Variants in FAM83B observed in about 807,000 individuals in gnomAD.
FAM83B encodes scaffolding CK1 anchoring protein B.
In FAM83B, 26 loss-of-function variants were observed where a neutral mutation model predicts 38.8. The ratio of observed to expected loss-of-function variants is 0.67; its 90% CI spans 0.49 to 0.93. FAM83B has a LOEUF of 0.93. Ranked by LOEUF, FAM83B falls within the 40% of genes least tolerant of loss-of-function variation. The probability of loss-of-function intolerance (pLI) is 0.00; values close to 1 mark genes in which losing one functional copy is unlikely to be tolerated. For missense variants in FAM83B, 1,237 were observed against 1,197.3 expected (o/e 1.03, Z -0.49); for synonymous variants, 419 against 423.1 (o/e 0.99, Z 0.12).
At chr6:54,883,024 A>G (rs1302765561) in intron 2 of FAM83B, among the ~76,000 whole-genome samples, 1 of 152,008 alleles carries the variant, frequency 6.6e-6, no homozygotes, top group Non-Finnish European at 1.5e-5. Context: ...GCTCACTGCA[A>G]GCTCCGCCTC....
At chr6:54,879,145 G>GGA (rs1772065877) in intron 2 of FAM83B, among the ~76,000 whole-genome samples, 1 of 152,134 alleles carries the variant, frequency 6.6e-6, no homozygotes, top group Admixed American at 6.5e-5. Flanking sequence ...TGGTTGATCC[G>GGA]TAACCCCAGT....
At chr6:54,916,503 C>A (rs190598040) in intron 2 of FAM83B, among the ~76,000 whole-genome samples, 1 of 152,238 alleles carries the variant, frequency 6.6e-6, no homozygotes, top group Non-Finnish European at 1.5e-5. Flanking sequence ...AAAATAATTT[C>A]ATTTTATAGT....
At chr6:54,893,484 G>A (rs1394058907) in intron 2 of FAM83B, among the ~76,000 whole-genome samples, 4 of 151,968 alleles carry the variant, frequency 2.6e-5, no homozygotes, top group Non-Finnish European at 5.9e-5. Flanking sequence ...TATCTGTTTA[G>A]TATCTTAATA....
intron 2 of FAM83B, among the ~76,000 whole-genome samples, chr6:54,912,113 T>A (rs1772924394): frequency 6.6e-6 from 1 of 151,994 alleles, no homozygotes; most frequent in Non-Finnish European, 1.5e-5. Context: ...GAGGATATAT[T>A]TATATGAAGC....
intron 2 of FAM83B, among the ~76,000 whole-genome samples, chr6:54,876,730 T>C (rs953168533): frequency 1.3e-5 from 2 of 152,074 alleles, no homozygotes; most frequent in East Asian, 1.9e-4. Context: ...TAAATATATA[T>C]ATATAAAATA....
chr6:54,939,722 G>T lies in FAM83B; in HGVS notation c.751G>T (p.Glu251Ter). 1 of 1,587,416 alleles carries T rather than the reference G, an allele frequency of 6.3e-7. No homozygotes were observed. The highest frequency in any genetic ancestry group is 8.6e-7 in the Non-Finnish European group (1 of 1,169,112). The stretch of plus-strand genomic sequence containing the variant: ...TTTCCCCAGTTATATGTGGTCATTT[G>T]AGAAAGCTCACCTCAGCATGGTTCA... ...YGSYSYMWSF[E>*]KAHLSMVQII... The change falls in exon 5 of 5, where the codon GAG becomes TAG. Residue 251 changes from glutamate (E) to a stop codon, truncating the protein, a stop_gained. Coordinates refer to ENST00000306858, the MANE Select transcript of FAM83B (RefSeq NM_001010872.3). LOFTEE classifies it low-confidence loss of function (END_TRUNC).
chr6:54,911,113 A>G (rs1581916925), intron 2 of FAM83B, among the ~76,000 whole-genome samples: 1 of 149,260 alleles, frequency 6.7e-6, no homozygotes, highest in East Asian at 2.0e-4. Flanking sequence ...GAGAGTGAGC[A>G]TGAGAGGAAT....
chr6:54,928,256 A>G (rs938804621), intron 4 of FAM83B, among the ~76,000 whole-genome samples: 1 of 152,158 alleles, frequency 6.6e-6, no homozygotes, highest in African/African-American at 2.4e-5. Context: ...GTCATTATTA[A>G]AGACTGAGGG....
chr6:54,866,320 G>A (rs1386420459), intron 1 of FAM83B, among the ~76,000 whole-genome samples: 1 of 151,832 alleles, frequency 6.6e-6, no homozygotes, highest in Admixed American at 6.6e-5. Context: ...AATCCAGAGA[G>A]ATTCTTTGTA....
chr6:54,883,087 A>C (rs2127578295), intron 2 of FAM83B, among the ~76,000 whole-genome samples: 1 of 152,028 alleles, frequency 6.6e-6, no homozygotes, highest in South Asian at 2.1e-4. Flanking sequence ...ACAGGCACCC[A>C]CCACCACGCC....
chr6:54,884,999 C>T (rs949303836), intron 2 of FAM83B, among the ~76,000 whole-genome samples: 2 of 151,898 alleles, frequency 1.3e-5, no homozygotes, highest in African/African-American at 4.9e-5. Flanking sequence ...GTCTTGATCT[C>T]CTGACCTCGT....
At chr6:54,876,905 C>T (rs531564343) in intron 2 of FAM83B, among the ~76,000 whole-genome samples, 1 of 151,988 alleles carries the variant, frequency 6.6e-6, no homozygotes, top group Non-Finnish European at 1.5e-5. Flanking sequence ...TCATTCTTTC[C>T]TGTCTCTGGT....
intron 2 of FAM83B, among the ~76,000 whole-genome samples, chr6:54,908,392 T>C (rs1772824770): frequency 6.6e-6 from 1 of 152,166 alleles, no homozygotes; most frequent in South Asian, 2.1e-4. Context: ...AGTATCATTC[T>C]ACTACCAAAG....
intron 2 of FAM83B, among the ~76,000 whole-genome samples, chr6:54,919,743 C>A (rs1581921894): frequency 6.6e-6 from 1 of 151,754 alleles, no homozygotes; most frequent in African/African-American, 2.4e-5. Context: ...ATAAATGAAA[C>A]CCTGTAATAC....
At chr6:54,871,494 G>A (rs576309000) in intron 2 of FAM83B, among the ~76,000 whole-genome samples, 6 of 150,682 alleles carry the variant, frequency 4.0e-5, no homozygotes, top group African/African-American at 1.5e-4. Flanking sequence ...TGAAGCAGGC[G>A]AATCACTTGA....
chr6:54,881,611 G>A (rs2127577934), intron 2 of FAM83B, among the ~76,000 whole-genome samples: 1 of 152,012 alleles, frequency 6.6e-6, no homozygotes, highest in East Asian at 1.9e-4. Flanking sequence ...GAATTCTGGA[G>A]CAGTTACTGA....
At chr6:54,889,897 T>G (rs994668391) in intron 2 of FAM83B, among the ~76,000 whole-genome samples, 2 of 152,114 alleles carry the variant, frequency 1.3e-5, no homozygotes, top group Non-Finnish European at 2.9e-5. Flanking sequence ...GGGTGTGTAT[T>G]TCTAAAATGG....
At chr6:54,876,072 AGTC>A (rs1265708750) in intron 2 of FAM83B, among the ~76,000 whole-genome samples, 6 of 152,046 alleles carry the variant, frequency 3.9e-5, no homozygotes, top group African/African-American at 1.2e-4. Flanking sequence ...TATCAGGTAA[AGTC>A]TAAGGATCCT....
intron 4 of FAM83B, among the ~76,000 whole-genome samples, chr6:54,935,466 GA>G (rs1773505899): frequency 6.6e-6 from 1 of 152,048 alleles, no homozygotes; most frequent in African/African-American, 2.4e-5. Flanking sequence ...ATTGAAGAGG[GA>G]ACAATAGATA....
Sources: gnomAD v4.1 joint callset for allele counts (sites outside exome capture counted in the v4.1 genomes callset) on GRCh38, gnomAD v4.1.1 for gene constraint, MANE v1.5 for transcripts, NCBI Gene and HGNC (gene_info 2026-07-23, HGNC 2026-07-21) for gene names.